The following PPARGC1A variants were observed in gnomAD, a reference collection of about 807,000 sequenced individuals.
PPARGC1A encodes the protein PPARG coactivator 1 alpha.
PPARGC1A carries 25 observed loss-of-function variants against 88.7 expected under a neutral mutation model. The observed-to-expected ratio is 0.28, with a 90% CI of 0.21 to 0.39. The LOEUF (loss-of-function observed/expected upper bound fraction) is 0.39. PPARGC1A is among the 10% of genes least tolerant of loss of function. PPARGC1A has a pLI of 1.00. For synonymous variants in PPARGC1A, 363 were observed against 355.6 expected, an observed-to-expected ratio of 1.02 and a Z score of -0.24; for missense variants, 880 against 968.7, an observed-to-expected ratio of 0.91 and a Z score of 1.22.
upstream of PPARGC1A, among the ~76,000 whole-genome samples, chr4:23,908,619 C>A (rs1012098995): frequency 6.6e-6 from 1 of 152,214 alleles, no homozygotes; most frequent in East Asian, 1.9e-4. Flanking sequence ...ACTTTAGACA[C>A]GTCAAAGGGT....
At chr4:24,147,050 T>C in the PPARGC1A span, among the ~76,000 whole-genome samples, 1 of 152,132 alleles carries the variant, frequency 6.6e-6, no homozygotes, top group Non-Finnish European at 1.5e-5. Context: ...TTAAGGGATG[T>C]TCTGCTTTTA....
At chr4:24,105,165 A>G in the PPARGC1A span, among the ~76,000 whole-genome samples, 1 of 152,254 alleles carries the variant, frequency 6.6e-6, no homozygotes, top group Non-Finnish European at 1.5e-5. Flanking sequence ...ACACTAGAGC[A>G]CAGTGAAGGT....
At chr4:23,962,132 T>A in the PPARGC1A span, among the ~76,000 whole-genome samples, 1 of 152,082 alleles carries the variant, frequency 6.6e-6, no homozygotes, top group East Asian at 1.9e-4. Flanking sequence ...TATTTTTTTT[T>A]AATAACAACA....
chr4:24,002,179 T>C, the PPARGC1A span, among the ~76,000 whole-genome samples: 1 of 149,342 alleles, frequency 6.7e-6, no homozygotes, highest in African/African-American at 2.5e-5. Flanking sequence ...CAGGCTGGAG[T>C]GCAGTGGCAC....
At chr4:24,082,543 G>A in the PPARGC1A span, among the ~76,000 whole-genome samples, 4 of 152,120 alleles carry the variant, frequency 2.6e-5, no homozygotes, top group Admixed American at 6.5e-5. Context: ...AGAAAATTGC[G>A]GCTTTTGCAC....
the PPARGC1A span, among the ~76,000 whole-genome samples, chr4:24,178,331 T>C: frequency 6.6e-6 from 1 of 152,176 alleles, no homozygotes; most frequent in Non-Finnish European, 1.5e-5. Context: ...TAAAACAATG[T>C]CTGTCATGAG....
At chr4:24,365,081 A>T in the PPARGC1A span, among the ~76,000 whole-genome samples, 1 of 152,010 alleles carries the variant, frequency 6.6e-6, no homozygotes, top group Non-Finnish European at 1.5e-5. Flanking sequence ...GATCTGTTTG[A>T]GTCAGAAACC....
the PPARGC1A span, among the ~76,000 whole-genome samples, chr4:24,198,492 G>GGCTA: frequency 2.0e-5 from 3 of 152,130 alleles, no homozygotes; most frequent in African/African-American, 7.2e-5. Context: ...TCAGGGTCAG[G>GGCTA]GCTAGGGTTA....
At chr4:23,887,586 C>T (rs180722786) in intron 1 of PPARGC1A, among the ~76,000 whole-genome samples, 1 of 152,164 alleles carries the variant, frequency 6.6e-6, no homozygotes, top group Non-Finnish European at 1.5e-5. Flanking sequence ...TCACTAAACA[C>T]AAAAGGCTAA....
the PPARGC1A span, among the ~76,000 whole-genome samples, chr4:23,992,505 T>C: frequency 1.3e-3 from 196 of 152,174 alleles, 2 homozygotes; most frequent in African/African-American, 4.5e-3. Context: ...CGAGTAGTTA[T>C]ATAACTTGCC....
chr4:24,023,372 T>C, the PPARGC1A span, among the ~76,000 whole-genome samples: 1 of 151,796 alleles, frequency 6.6e-6, no homozygotes, highest in Non-Finnish European at 1.5e-5. Flanking sequence ...TAACAGAAAA[T>C]AGACAGGTTT....
rs945805821 is a variant in PPARGC1A at position 23,793,222 on chromosome 4, A to G, written c.*2600T>C. 1 of 152,582 alleles carries G rather than the reference A, an allele frequency of 6.6e-6. No individual in the cohort carries two copies. Among genetic ancestry groups the G allele is most frequent in the African/African-American group, 2.4e-5 (1 of 41,442 alleles). 9.5% of individuals were successfully genotyped at this position (152,582 alleles called of 1,614,324 possible). On this transcript the variant is annotated 3_prime_UTR_variant, in exon 13 of 13. Coordinates refer to ENST00000264867, the MANE Select transcript of PPARGC1A (RefSeq NM_013261.5). ...CAGAAGATACTCAAAATTCAGAAAG[A>G]AAGACTGTAAACTTTAGTTTGGCGT... is the stretch of plus-strand genomic sequence containing the variant.
chr4:24,069,773 A>G, the PPARGC1A span, among the ~76,000 whole-genome samples: 2 of 152,246 alleles, frequency 1.3e-5, no homozygotes, highest in African/African-American at 4.8e-5. Flanking sequence ...AGGAATTTGT[A>G]TGTATCTTCA....
chr4:24,423,834 C>T, the PPARGC1A span, among the ~76,000 whole-genome samples: 326 of 152,312 alleles, frequency 2.1e-3, no homozygotes, highest in Middle Eastern at 0.01. Flanking sequence ...ACACTACCAA[C>T]GCTGCCTACA....
chr4:24,336,326 C>T, the PPARGC1A span, among the ~76,000 whole-genome samples: 1 of 152,182 alleles, frequency 6.6e-6, no homozygotes, highest in Non-Finnish European at 1.5e-5. Context: ...ACATCTCGAG[C>T]TGGGATATTT....
the PPARGC1A span, among the ~76,000 whole-genome samples, chr4:24,036,797 T>C: frequency 6.6e-6 from 1 of 152,222 alleles, no homozygotes. Context: ...TATGTACACA[T>C]GCAAATATCC....
chr4:24,296,397 T>A, the PPARGC1A span, among the ~76,000 whole-genome samples: 1 of 152,098 alleles, frequency 6.6e-6, no homozygotes. Flanking sequence ...AAAGATAAAA[T>A]GGGTGTCTCC....
chr4:24,067,899 G>T, the PPARGC1A span, among the ~76,000 whole-genome samples: 2 of 152,240 alleles, frequency 1.3e-5, no homozygotes, highest in African/African-American at 4.8e-5. Flanking sequence ...AGAGACATCT[G>T]CCAGTGTCCT....
the PPARGC1A span, among the ~76,000 whole-genome samples, chr4:24,263,735 A>T: frequency 6.6e-6 from 1 of 152,018 alleles, no homozygotes; most frequent in Admixed American, 6.6e-5. Context: ...AATAGTAAAG[A>T]TATTTTCTCT....
Sources: allele counts gnomAD v4.1 joint callset (sites outside exome capture counted in the v4.1 genomes callset), GRCh38; gene constraint gnomAD v4.1.1; transcripts MANE v1.5; gene names NCBI Gene and HGNC (gene_info 2026-07-23, HGNC 2026-07-21).